The following DAB1 variants were observed in gnomAD, a reference collection of about 807,000 sequenced individuals.
The protein encoded by DAB1 is disabled homolog 1.
Under a neutral mutation model 64.6 loss-of-function variants are expected in DAB1, and 15 were observed. The observed-to-expected ratio is 0.23, with a 90% CI of 0.16 to 0.36. DAB1 has a LOEUF of 0.36. Among genes scored for constraint, DAB1 ranks in the 10% least tolerant of loss-of-function variants. The probability of loss-of-function intolerance (pLI) is 1.00; values close to 1 mark genes in which losing one functional copy is unlikely to be tolerated. For synonymous variants in DAB1, 235 were observed against 251.9 expected (o/e 0.93, Z 0.64); for missense variants, 596 against 706.7 (o/e 0.84, Z 1.78).
Position 57,291,116 on chromosome 1 carries a change from C to A in DAB1, c.-86G>T. ...CTCTTCTCCAAGAGAAAGACTCCTC[C>A]CTTCAGAAATGACACTCTGAGCTGC... On this transcript the variant is annotated 5_prime_UTR_variant, in exon 2 of 15. Transcript: ENST00000371236. The A allele has an allele frequency of 1.2e-6, 1 of 823,276 alleles. No individual in the cohort carries two copies. Among genetic ancestry groups the A allele is most frequent in the Non-Finnish European group, 1.9e-6 (1 of 514,200 alleles). 51.0% of individuals were successfully genotyped at this position (823,276 alleles called of 1,614,324 possible).
intron 7 of DAB1, among the ~76,000 whole-genome samples, chr1:57,553,150 A>G (rs973862676): frequency 6.6e-6 from 1 of 151,714 alleles, no homozygotes; most frequent in African/African-American, 2.4e-5. Context: ...TGAGGTACCT[A>G]TGGGTGATTT....
intron 1 of DAB1, among the ~76,000 whole-genome samples, chr1:57,316,624 GA>G (rs558706471): frequency 6.6e-6 from 1 of 150,972 alleles, no homozygotes; most frequent in African/African-American, 2.4e-5. Flanking sequence ...GTCTCAAAAA[GA>G]AAAAAAAGAA....
intron 5 of DAB1, among the ~76,000 whole-genome samples, chr1:58,142,362 G>T (rs1654337123): frequency 6.6e-6 from 1 of 152,228 alleles, no homozygotes; most frequent in Admixed American, 6.5e-5. Context: ...TAAAAAGAGG[G>T]TTTCCAGATG....
chr1:57,199,175 C>T (rs1664889228), intron 2 of DAB1, among the ~76,000 whole-genome samples: 1 of 152,242 alleles, frequency 6.6e-6, no homozygotes, highest in South Asian at 2.1e-4. Flanking sequence ...TCTTTGTTAC[C>T]TTGTTAAGGA....
At chr1:58,529,682 G>A (rs1390823551) in intron 1 of DAB1, among the ~76,000 whole-genome samples, 1 of 151,936 alleles carries the variant, frequency 6.6e-6, no homozygotes, top group African/African-American at 2.4e-5. Flanking sequence ...CTATATCTGT[G>A]GATTATGCAC....
intron 4 of DAB1, among the ~76,000 whole-genome samples, chr1:58,214,837 G>C (rs976612343): frequency 1.6e-4 from 25 of 152,162 alleles, no homozygotes; most frequent in Admixed American, 5.2e-4. Flanking sequence ...AACTGCTCTT[G>C]GGGCAGGCCA....
chr1:57,201,026 C>T (rs1847538), intron 2 of DAB1, among the ~76,000 whole-genome samples: 1 of 152,092 alleles, frequency 6.6e-6, no homozygotes, highest in Non-Finnish European at 1.5e-5. Context: ...TGTGAGAGAA[C>T]CATTGGGCTT....
chr1:57,051,560 A>G (rs548923299), intron 9 of DAB1, among the ~76,000 whole-genome samples: 3 of 152,228 alleles, frequency 2.0e-5, no homozygotes, highest in Non-Finnish European at 4.4e-5. Context: ...TAAGGCAAGG[A>G]AAGTCAACCA....
At chr1:58,129,977 T>A (rs1473635183) in intron 5 of DAB1, among the ~76,000 whole-genome samples, 1 of 145,728 alleles carries the variant, frequency 6.9e-6, no homozygotes, top group African/African-American at 2.6e-5. Context: ...TTAGGTCCCC[T>A]TGGTGCAGAG....
At chr1:57,196,351 A>G (rs1228837722) in intron 2 of DAB1, among the ~76,000 whole-genome samples, 1 of 152,244 alleles carries the variant, frequency 6.6e-6, no homozygotes, top group Non-Finnish European at 1.5e-5. Flanking sequence ...AGAGCTGGAC[A>G]TGAGGCTGCC....
chr1:58,104,237 A>G (rs1039792080), intron 5 of DAB1, among the ~76,000 whole-genome samples: 2 of 152,162 alleles, frequency 1.3e-5, no homozygotes, highest in African/African-American at 4.8e-5. Flanking sequence ...CACACAGTGG[A>G]CCCTCAATTA....
intron 6 of DAB1, among the ~76,000 whole-genome samples, chr1:57,689,022 G>A (rs901143632): frequency 6.6e-6 from 1 of 152,120 alleles, no homozygotes; most frequent in East Asian, 1.9e-4. Flanking sequence ...CACACAATAT[G>A]CCCATGTAAC....
chr1:57,926,652 T>A (rs2102030560), intron 5 of DAB1, among the ~76,000 whole-genome samples: 1 of 152,316 alleles, frequency 6.6e-6, no homozygotes, highest in East Asian at 1.9e-4. Flanking sequence ...CAAACAAGAA[T>A]ACAGATACAC....
chr1:57,910,540 G>C (rs750027766), intron 5 of DAB1, among the ~76,000 whole-genome samples: 18 of 152,100 alleles, frequency 1.2e-4, no homozygotes, highest in Non-Finnish European at 2.4e-4. Flanking sequence ...TAAGTGATCT[G>C]TAATCAACGG....
intron 6 of DAB1, among the ~76,000 whole-genome samples, chr1:57,783,798 T>C: frequency 6.6e-6 from 1 of 152,202 alleles, no homozygotes; most frequent in Non-Finnish European, 1.5e-5. Context: ...ACTATTGTAA[T>C]TGTTGTAGGG....
At chr1:57,673,515 A>C (rs551534874) in intron 6 of DAB1, among the ~76,000 whole-genome samples, 2 of 152,100 alleles carry the variant, frequency 1.3e-5, no homozygotes, top group Non-Finnish European at 2.9e-5. Context: ...AGGTGGTCAC[A>C]TTCAGTGTAA....
intron 4 of DAB1, among the ~76,000 whole-genome samples, chr1:58,275,306 CAATA>C (rs1661415903): frequency 6.6e-6 from 1 of 152,100 alleles, no homozygotes; most frequent in East Asian, 1.9e-4. Context: ...AAAGAAGAAA[CAATA>C]AAGGTAAAAA....
chr1:57,504,961 AG>A (rs1644328198), intron 7 of DAB1, among the ~76,000 whole-genome samples: 1 of 152,266 alleles, frequency 6.6e-6, no homozygotes. Flanking sequence ...AGAACCTCAC[AG>A]CCAAGAGGAA....
chr1:57,070,985 C>G, intron 7 of DAB1, 38 bp downstream of exon 7: 4 of 1,574,094 alleles, frequency 2.5e-6, no homozygotes, highest in Non-Finnish European at 3.5e-6. Flanking sequence ...GGTCTAGTCA[C>G]TCTTGAATCT....
Sources: gnomAD v4.1 joint callset for allele counts (sites outside exome capture counted in the v4.1 genomes callset) on GRCh38, gnomAD v4.1.1 for gene constraint, MANE v1.5 for transcripts, NCBI Gene and HGNC (gene_info 2026-07-23, HGNC 2026-07-21) for gene names.